TTC23: variants seen among roughly 807,000 people sequenced by gnomAD.
TTC23 encodes the protein tetratricopeptide repeat protein 23.
TTC23 carries 58 observed loss-of-function variants against 55.1 expected under a neutral mutation model. That is an observed-to-expected ratio of 1.05 (90% CI 0.85 to 1.31). The LOEUF (loss-of-function observed/expected upper bound fraction) is 1.31, where lower values mean the gene tolerates loss of function less well. TTC23 is among the 50% of genes most tolerant of loss of function. The probability of loss-of-function intolerance (pLI) is 0.00; values close to 1 mark genes in which losing one functional copy is unlikely to be tolerated. For missense variants in TTC23, 516 were observed against 534.4 expected, an observed-to-expected ratio of 0.97 and a Z score of 0.34; for synonymous variants, 203 against 199.9, an observed-to-expected ratio of 1.02 and a Z score of -0.13.
intron 8 of TTC23, among the ~76,000 whole-genome samples, chr15:99,202,529 T>C (rs1567472098): frequency 1.3e-5 from 2 of 152,214 alleles, no homozygotes; most frequent in Non-Finnish European, 2.9e-5. Context: ...TTCATTGATA[T>C]ATAAAAAATT....
At chr15:99,208,399 G>A (rs1200220997) in intron 8 of TTC23, among the ~76,000 whole-genome samples, 6 of 152,086 alleles carry the variant, frequency 3.9e-5, no homozygotes, top group Non-Finnish European at 4.4e-5. Context: ...TGCATAACAA[G>A]CTTCTATTTA....
chr15:99,224,371 AT>A (rs1201990944), intron 5 of TTC23, among the ~76,000 whole-genome samples: 1 of 152,052 alleles, frequency 6.6e-6, no homozygotes, highest in Non-Finnish European at 1.5e-5. Context: ...ATCTTTATAT[AT>A]TTTTTCTTTT....
At chr15:99,228,071 G>A (rs1322750471) in intron 5 of TTC23, among the ~76,000 whole-genome samples, 6 of 152,162 alleles carry the variant, frequency 3.9e-5, no homozygotes, top group Non-Finnish European at 8.8e-5. Context: ...CATTGCACCT[G>A]GCACATATTA....
At chr15:99,248,398 A>T (rs1322038113) in intron 1 of TTC23, 2 of 152,196 alleles carry the variant, frequency 1.3e-5, no homozygotes, top group Non-Finnish European at 2.9e-5. Context: ...TTGTAACCAA[A>T]GTTTCCAAAT....
At chr15:99,168,544 T>C (rs1243060388) in intron 10 of TTC23, among the ~76,000 whole-genome samples, 1 of 152,198 alleles carries the variant, frequency 6.6e-6, no homozygotes. Context: ...TCTAAGAAGT[T>C]CTGAACGCAA....
At chr15:99,201,118 G>T (rs1184458709) in intron 8 of TTC23, among the ~76,000 whole-genome samples, 1 of 152,116 alleles carries the variant, frequency 6.6e-6, no homozygotes, top group Non-Finnish European at 1.5e-5. Context: ...TTTCATGTTT[G>T]TGCTTTTCTA....
chr15:99,229,724 G>C (rs543118429), intron 4 of TTC23, among the ~76,000 whole-genome samples: 1 of 152,232 alleles, frequency 6.6e-6, no homozygotes, highest in Non-Finnish European at 1.5e-5. Context: ...TAAGGTTACA[G>C]GGAACAGTGT....
chr15:99,167,821 A>G (rs1308653795), intron 10 of TTC23, among the ~76,000 whole-genome samples: 1 of 152,192 alleles, frequency 6.6e-6, no homozygotes, highest in African/African-American at 2.4e-5. Context: ...CCTCTCTACA[A>G]TGTGACGATT....
intron 12 of TTC23, among the ~76,000 whole-genome samples, chr15:99,146,222 T>C (rs1009747066): frequency 6.6e-6 from 1 of 152,242 alleles, no homozygotes. Flanking sequence ...ATAGAAATTA[T>C]GGTTTCTTTT....
chr15:99,200,297 C>T (rs2076095336), intron 8 of TTC23, among the ~76,000 whole-genome samples: 1 of 152,122 alleles, frequency 6.6e-6, no homozygotes, highest in African/African-American at 2.4e-5. Flanking sequence ...AGGTTCAAGT[C>T]CTGGCTTCAC....
intron 1 of TTC23, among the ~76,000 whole-genome samples, chr15:99,245,712 C>G (rs2080185283): frequency 6.6e-6 from 1 of 151,862 alleles, no homozygotes; most frequent in Admixed American, 6.6e-5. Context: ...AGTTGGATCT[C>G]TACACCTCAC....
At chr15:99,233,425 C>G (rs1432381716) in intron 4 of TTC23, among the ~76,000 whole-genome samples, 1 of 152,072 alleles carries the variant, frequency 6.6e-6, no homozygotes, top group Non-Finnish European at 1.5e-5. Context: ...TTTGACAATA[C>G]AGATGAACAA....
At chr15:99,138,997 G>A (rs140788242) in intron 13 of TTC23, 152 of 413,636 alleles carry the variant, frequency 3.7e-4, no homozygotes, top group African/African-American at 2.4e-3. Flanking sequence ...GAGGGAAGCC[G>A]GAAGCAGGGC....
chr15:99,248,558 G>A (rs1170995737), intron 1 of TTC23, among the ~76,000 whole-genome samples: 2 of 152,142 alleles, frequency 1.3e-5, no homozygotes, highest in African/African-American at 2.4e-5. Flanking sequence ...CCCATACTGT[G>A]AAGCCTTCTC....
At chr15:99,168,712 A>G (rs1315300248) in intron 10 of TTC23, among the ~76,000 whole-genome samples, 1 of 152,168 alleles carries the variant, frequency 6.6e-6, no homozygotes, top group Non-Finnish European at 1.5e-5. Context: ...ATGAGGTTTC[A>G]GCTCTGCCCC....
At chr15:99,231,174 T>C (rs1596958710) in intron 4 of TTC23, among the ~76,000 whole-genome samples, 1 of 152,366 alleles carries the variant, frequency 6.6e-6, no homozygotes, top group South Asian at 2.1e-4. Flanking sequence ...TATACAATTA[T>C]GTACAGTACA....
At chr15:99,139,258 C>T (rs2067927447) in intron 13 of TTC23, 59 bp downstream of exon 13, 2 of 1,589,368 alleles carry the variant, frequency 1.3e-6, no homozygotes. Flanking sequence ...CCAGCTTTCT[C>T]TTGAGATTCT....
At chr15:99,173,479 C>A (rs189588206) in intron 10 of TTC23, among the ~76,000 whole-genome samples, 1 of 152,074 alleles carries the variant, frequency 6.6e-6, no homozygotes, top group Non-Finnish European at 1.5e-5. Context: ...CCACCTACTT[C>A]GCAGGCTGAG....
rs756273327 is a variant in TTC23, at chr15:99,199,992, G to T, written c.686C>A (p.Pro229His). ...SKGETSRECV[P>H]ILRELAGVEQ... ...TACACCTGCTAATTCTCTCAATATG[G>T]GTACACACTCACGACTTGTTTCACC... Residue 229 changes from proline (P) to histidine (H), a missense_variant, in exon 9 of 14, where the codon CCC becomes CAC. Physicochemically the swap from Pro to His is moderately conservative, Grantham distance 77 (BLOSUM62 -2). Transcript: ENST00000394132. 1.2e-6 allele frequency: 2 copies of T among 1,613,768 alleles called. No homozygotes were observed. Among genetic ancestry groups the T allele is most frequent in the South Asian group, 2.2e-5 (2 of 91,054 alleles).
Sources: gnomAD v4.1 joint callset for allele counts (sites outside exome capture counted in the v4.1 genomes callset) on GRCh38, gnomAD v4.1.1 for gene constraint, MANE v1.5 for transcripts, NCBI Gene and HGNC (gene_info 2026-07-23, HGNC 2026-07-21) for gene names.